NRXN3: variants seen among roughly 807,000 people sequenced by gnomAD.
The protein encoded by NRXN3 is neurexin 3, also known as neurexin III.
Under a neutral mutation model 137.6 loss-of-function variants are expected in NRXN3, and 32 were observed. That is an observed-to-expected ratio of 0.23 (90% CI 0.18 to 0.31). The LOEUF (loss-of-function observed/expected upper bound fraction) is 0.31, where lower values mean the gene tolerates loss of function less well. NRXN3 is among the 10% of genes least tolerant of loss of function. The pLI is 1.00. For synonymous variants in NRXN3, 798 were observed against 784.5 expected (o/e 1.02, Z -0.29); for missense variants, 1,574 against 2,062.5 (o/e 0.76, Z 4.59).
rs58254245 is a variant in NRXN3, at chr14:79,593,630, CAA to C, written c.3445-70127_3445-70126del. On this transcript the variant is annotated intron_variant, in intron 16 of 20. Coordinates refer to ENST00000335750, the MANE Select transcript of NRXN3 (RefSeq NM_001330195.2). ...TGCACTACGGAGCGAGACTCCGTCT[CAA>C]AAAAAAAAAAAAAAAAAAAATTACC... Among the ~76,000 whole-genome samples the C allele has an allele frequency of 1.8e-3, 133 of 74,734 alleles. 1 individual carries two copies. The Middle Eastern group carries it at 0.039, about 22-fold the overall frequency. 49.0% of individuals were successfully genotyped at this position (74,734 alleles called of 152,430 possible). A position where few individuals can be genotyped will look rare whatever the true frequency, so the allele number is the denominator to read the frequency against.
intron 16 of NRXN3, among the ~76,000 whole-genome samples, chr14:79,517,143 G>C (rs2096998453): frequency 1.4e-5 from 2 of 146,718 alleles, no homozygotes; most frequent in Non-Finnish European, 3.0e-5. Flanking sequence ...CACCAATAGA[G>C]ACTGTGGTCA....
intron 3 of NRXN3, among the ~76,000 whole-genome samples, chr14:78,289,630 T>C (rs1370150039): frequency 1.3e-5 from 2 of 151,978 alleles, no homozygotes; most frequent in African/African-American, 4.8e-5. Context: ...AAACGCTCGA[T>C]GGGGGCCAGG....
chr14:78,937,233 A>C (rs2099343920), intron 10 of NRXN3, among the ~76,000 whole-genome samples: 1 of 151,926 alleles, frequency 6.6e-6, no homozygotes, highest in South Asian at 2.1e-4. Context: ...AAAAGAAAAA[A>C]ATTTCTAGTC....
intron 4 of NRXN3, among the ~76,000 whole-genome samples, chr14:78,527,282 G>A (rs2096394465): frequency 6.6e-6 from 1 of 152,152 alleles, no homozygotes; most frequent in Admixed American, 6.5e-5. Flanking sequence ...CTTCTGGGGA[G>A]GCCTTAAGAA....
intron 4 of NRXN3, among the ~76,000 whole-genome samples, chr14:78,480,980 T>C (rs968053667): frequency 1.3e-5 from 2 of 152,176 alleles, no homozygotes; most frequent in African/African-American, 4.8e-5. Context: ...CCTCTTTCTG[T>C]GGCCATTTCA....
chr14:78,508,128 A>C (rs2096030039), intron 4 of NRXN3, among the ~76,000 whole-genome samples: 1 of 152,202 alleles, frequency 6.6e-6, no homozygotes, highest in African/African-American at 2.4e-5. Flanking sequence ...CTCAGGTAGG[A>C]AACCATATGC....
intron 1 of NRXN3, among the ~76,000 whole-genome samples, chr14:78,227,386 T>C (rs1244799441): frequency 1.3e-5 from 2 of 152,210 alleles, no homozygotes; most frequent in Non-Finnish European, 2.9e-5. Context: ...GGAGGTTAGA[T>C]GAGACAGAGT....
At chr14:78,380,509 A>T (rs7160764) in intron 4 of NRXN3, among the ~76,000 whole-genome samples, 1 of 151,834 alleles carries the variant, frequency 6.6e-6, no homozygotes, top group Non-Finnish European at 1.5e-5. Context: ...GTACACAGAC[A>T]CAAAGGAGAA....
chr14:79,154,800 C>T (rs1412676016), intron 15 of NRXN3, among the ~76,000 whole-genome samples: 2 of 151,902 alleles, frequency 1.3e-5, no homozygotes, highest in African/African-American at 4.8e-5. Context: ...AGTCTTATGA[C>T]TATTTTTATG....
At chr14:79,436,757 G>A (rs1025206200) in intron 15 of NRXN3, among the ~76,000 whole-genome samples, 15 of 152,270 alleles carry the variant, frequency 9.9e-5, no homozygotes, top group African/African-American at 3.6e-4. Flanking sequence ...AGGACTGCAG[G>A]TACCACTAAA....
chr14:79,214,735 T>C (rs1233247351), intron 15 of NRXN3, among the ~76,000 whole-genome samples: 2 of 152,210 alleles, frequency 1.3e-5, no homozygotes, highest in Admixed American at 6.5e-5. Context: ...GTGTGACTTA[T>C]ACTTTTGCTT....
rs79754884 is a variant in NRXN3, at chr14:78,336,838, G to C, written c.757+38978G>C. Among the ~76,000 whole-genome samples, 1,291 of 152,204 alleles carry C rather than the reference G, an allele frequency of 8.5e-3. 41 individuals carry two copies. In the East Asian group the frequency reaches 0.089, roughly 11 times the overall value. ...GAAGATGGCTAGGGGACAGCATCCT[G>C]TTGTGATGCAATTCATTGGACTGGG... On this transcript the variant is annotated intron_variant, in intron 4 of 20. Coordinates refer to ENST00000335750, the MANE Select transcript of NRXN3 (RefSeq NM_001330195.2).
intron 15 of NRXN3, among the ~76,000 whole-genome samples, chr14:79,325,293 C>T (rs376608924): frequency 1.3e-5 from 2 of 152,204 alleles, no homozygotes; most frequent in African/African-American, 4.8e-5. Context: ...TCTAGGCCAG[C>T]AAGCTAAGAA....
chr14:78,609,402 A>C (rs1043735964), intron 4 of NRXN3, among the ~76,000 whole-genome samples: 1 of 152,228 alleles, frequency 6.6e-6, no homozygotes, highest in Non-Finnish European at 1.5e-5. Flanking sequence ...GATGATGGAG[A>C]AACCCAGGTC....
intron 15 of NRXN3, among the ~76,000 whole-genome samples, chr14:79,071,568 A>C (rs1435180412): frequency 6.6e-6 from 1 of 152,184 alleles, no homozygotes; most frequent in Non-Finnish European, 1.5e-5. Flanking sequence ...AGATGGGTGG[A>C]TGGATGAATG....
chr14:79,833,798 T>A (rs1043773847), intron 20 of NRXN3, among the ~76,000 whole-genome samples: 1 of 152,120 alleles, frequency 6.6e-6, no homozygotes, highest in Admixed American at 6.6e-5. Flanking sequence ...AATTTAAAGA[T>A]CCAGATTGGT....
At chr14:78,627,607 A>T (rs1442317811) in intron 4 of NRXN3, among the ~76,000 whole-genome samples, 1 of 152,160 alleles carries the variant, frequency 6.6e-6, no homozygotes, top group Non-Finnish European at 1.5e-5. Flanking sequence ...GGAATCTAAC[A>T]TCCTGGAAAT....
intron 20 of NRXN3, among the ~76,000 whole-genome samples, chr14:79,832,450 T>C (rs1013099630): frequency 6.6e-6 from 1 of 152,182 alleles, no homozygotes; most frequent in African/African-American, 2.4e-5. Flanking sequence ...CCTTAAATTC[T>C]CTGCAGCGTA....
At chr14:79,470,175 A>G (rs1355076110) in intron 16 of NRXN3, among the ~76,000 whole-genome samples, 1 of 152,206 alleles carries the variant, frequency 6.6e-6, no homozygotes, top group East Asian at 1.9e-4. Context: ...CAGTTTGCCT[A>G]GAAGAGAAAC....
Sources: gnomAD v4.1 joint callset for allele counts (sites outside exome capture counted in the v4.1 genomes callset) on GRCh38, gnomAD v4.1.1 for gene constraint, MANE v1.5 for transcripts, NCBI Gene and HGNC (gene_info 2026-07-23, HGNC 2026-07-21) for gene names.